The following FLNA variants were observed in gnomAD, a reference collection of about 807,000 sequenced individuals.
The protein encoded by FLNA is filamin A.
FLNA carries 7 observed loss-of-function variants against 157.6 expected under a neutral mutation model. That is an observed-to-expected ratio of 0.04 (90% CI 0.03 to 0.08). FLNA has a LOEUF of 0.08. Among genes scored for constraint, FLNA ranks in the 10% least tolerant of loss-of-function variants. The pLI is 1.00. For synonymous variants in FLNA, 1,103 were observed against 1,060.8 expected (o/e 1.04, Z -0.77); for missense variants, 1,750 against 2,398.4 (o/e 0.73, Z 5.65).
At position 154,367,799 on chromosome X, in the gene FLNA, G is replaced by T. The variant is rs782141239; in HGVS notation, c.622+43C>A. The stretch of plus-strand genomic sequence containing the variant: ...CAGAACCCCCTCAAGGGCCACCCAT[G>T]GGTGACCCCAGCCCAGTCTCTCCTG... On this transcript the variant is annotated intron_variant, in intron 3 of 47. Coordinates refer to ENST00000369850, the MANE Select transcript of FLNA (RefSeq NM_001110556.2). 9.1e-6 allele frequency: 11 copies of T among 1,210,725 alleles called. No homozygotes were observed. The South Asian group carries it at 1.9e-4, about 21-fold the overall frequency.
rs1482206323 is a variant in FLNA, at chrX:154,361,169, G to C, written c.3207+139C>G. 19 of 562,543 alleles carry C rather than the reference G, an allele frequency of 3.4e-5. No individual in the cohort carries two copies. In the East Asian group the frequency reaches 6.8e-4, roughly 20 times the overall value. The allele number at this position is 562,543 out of a possible 1,213,427, so 46.4% of individuals were successfully genotyped here. On this transcript the variant is annotated intron_variant, in intron 21 of 47. Transcript: ENST00000369850. Reference sequence around the variant, plus strand: ...CCTCCCCTTTACTCTCACTTAAACAGGGTCAAGGTTGACAGTCTGTCTCAG... The same window carrying C: ...CCTCCCCTTTACTCTCACTTAAACACGGTCAAGGTTGACAGTCTGTCTCAG...
At position 154,364,834 on chromosome X, in the gene FLNA, G is replaced by A. The variant is rs781821848; in HGVS notation, c.1815C>T (p.Asp605=). The change falls in exon 12 of 48, where the codon GAC becomes GAT. Residue 605 remains aspartate (D), a synonymous_variant. Transcript: ENST00000369850. ...CCTCCAACTTACCCAGCGTGCCCAC[G>A]TCGTCCCCGATAGCCTCCACCACAA... ...ADFVVEAIGD[D]VGTLGFSVEG... The A allele has an allele frequency of 8.3e-6, 10 of 1,209,507 alleles. No homozygotes were observed. Among genetic ancestry groups the A allele is most frequent in the Middle Eastern group, 2.3e-4 (1 of 4,374 alleles).
intron 39 of FLNA, 42 bp downstream of exon 39, chrX:154,352,730 C>G: frequency 8.3e-7 from 1 of 1,211,921 alleles, no homozygotes; most frequent in Non-Finnish European, 1.1e-6. Flanking sequence ...CCTGTGGGCC[C>G]TGGTGTAGTG....
In FLNA at chrX:154,351,690, T is replaced by C; in HGVS notation, c.6914A>G (p.Tyr2305Cys). 8.4e-7 allele frequency: 1 copy of C among 1,185,383 alleles called. No homozygotes were observed. The highest frequency in any genetic ancestry group is 1.1e-6 in the Non-Finnish European group (1 of 871,413). Reference protein sequence around the residue: ...VAYVVQEPGDYEVSVKFNEEH... With the variant: ...VAYVVQEPGDCEVSVKFNEEH... ...CTCGTTGAACTTGACTGAGACTTCGTAGTCACCTGGGCAGGGAAAGAGTGT... is the reference window on the plus strand; with the variant it reads ...CTCGTTGAACTTGACTGAGACTTCGCAGTCACCTGGGCAGGGAAAGAGTGT... Residue 2305 changes from tyrosine (Y) to cysteine (C), a missense_variant, in exon 43 of 48, where the codon TAC (tyrosine) becomes TGC (cysteine). This residue lies in a region of FLNA where 970 missense variants were observed against 1,302.6 expected (regional missense o/e 0.74). Coordinates refer to ENST00000369850, the MANE Select transcript of FLNA (RefSeq NM_001110556.2).
At chrX:154,351,286 G>T in intron 43 of FLNA, 1 of 444,270 alleles carries the variant, frequency 2.3e-6, no homozygotes, top group Non-Finnish European at 3.9e-6. Context: ...CCCACCCTGT[G>T]GGCAGCACCC....
rs1416455378 is a variant in FLNA at position 154,350,290 on chromosome X, T to C, written c.7157-83A>G. ...TGTCTGTGAGGAACAGCCTCAACCC[T>C]GGCCCTCCCCATTTTGCCGGTCCAT... On this transcript the variant is annotated intron_variant, in intron 44 of 47. Transcript: ENST00000369850. 6.5e-6 allele frequency: 6 copies of C among 921,786 alleles called. No individual in the cohort carries two copies. The African/African-American group carries it at 7.7e-5, about 12-fold the overall frequency. 76.0% of individuals were successfully genotyped at this position (921,786 alleles called of 1,213,427 possible). A position where few individuals can be genotyped will look rare whatever the true frequency, so the allele number is the denominator to read the frequency against.
chrX:154,369,301 G>A (rs1204593746), intron 2 of FLNA, among the ~76,000 whole-genome samples: 2 of 112,555 alleles, frequency 1.8e-5, no homozygotes, highest in Non-Finnish European at 3.8e-5. Context: ...TGCAGGGCCA[G>A]GGAACAAGGC....
chrX:154,360,379 A>C lies in FLNA; in HGVS notation c.3416T>G (p.Leu1139Arg), dbSNP rs782633080. The change falls in exon 22 of 48, where the codon CTC becomes CGC. Residue 1139 changes from leucine (L) to arginine (R), a missense_variant. Transcript: ENST00000369850. ...TEPGDYNINI[L>R]FADTHIPGSP... The stretch of plus-strand genomic sequence containing the variant: ...GCCAGGGATGTGGGTGTCAGCGAAG[A>C]GGATGTTGATGTTGTAGTCCCCGGG... 1.7e-6 allele frequency: 2 copies of C among 1,210,176 alleles called. No homozygotes were observed. The highest frequency in any genetic ancestry group is 2.2e-6 in the Non-Finnish European group (2 of 895,250).
intron 5 of FLNA, 145 bp from the exon 6 acceptor site, chrX:154,366,995 C>G: frequency 1.9e-6 from 1 of 523,766 alleles, no homozygotes; most frequent in Non-Finnish European, 3.3e-6. Flanking sequence ...GGCACAGAGC[C>G]TGGCCTCGGG....
In FLNA at chrX:154,364,973, C is replaced by T; in HGVS notation, c.1692-16G>A. On this transcript the variant is annotated splice_polypyrimidine_tract_variant and intron_variant, in intron 11 of 47. Coordinates refer to ENST00000369850, the MANE Select transcript of FLNA (RefSeq NM_001110556.2). ...TTCGAAGGGACTGCAAATGCGAGAG[C>T]CACACAGGGAACACCGAGGATCACC... 2.5e-6 allele frequency: 3 copies of T among 1,211,082 alleles called. No individual in the cohort carries two copies. Among genetic ancestry groups the T allele is most frequent in the Non-Finnish European group, 3.4e-6 (3 of 895,399 alleles).
chrX:154,355,873 T>G (rs2067659001), intron 30 of FLNA, among the ~76,000 whole-genome samples: 1 of 112,815 alleles, frequency 8.9e-6, no homozygotes, highest in Admixed American at 9.2e-5. Flanking sequence ...CTGTGGGCTG[T>G]GAGGCCTGGC....
Position 154,367,631 on chromosome X carries a change from G to A in FLNA, c.720+10C>T, listed in dbSNP as rs782691746. ...TCCCCTACAGCTGTAGCCAGGCCGG[G>A]CGGGTGTACCTGGGGGATGCCCAGC... On this transcript the variant is annotated intron_variant, in intron 4 of 47. Transcript: ENST00000369850. The A allele has an allele frequency of 8.3e-7, 1 of 1,209,861 alleles. No homozygotes were observed. Among genetic ancestry groups the A allele is most frequent in the East Asian group, 3.0e-5 (1 of 33,778 alleles).
Position 154,352,836 on chromosome X carries a change from G to A in FLNA, c.6315C>T (p.Thr2105=). Residue 2105 remains threonine, a synonymous_variant, in exon 39 of 48, where the codon ACC becomes ACT. Transcript: ENST00000369850. The part of the protein sequence containing the change: ...EDLEDGTCRV[T]YCPTEPGNYI... ...AGTTGCCTGGCTCTGTGGGGCAGTA[G>A]GTGACCCTGCACGTCCCGTCCTCCA... The A allele has an allele frequency of 8.3e-7, 1 of 1,211,429 alleles. No individual in the cohort carries two copies. The highest frequency in any genetic ancestry group is 1.1e-6 in the Non-Finnish European group (1 of 895,094).
In FLNA at chrX:154,366,378, G is replaced by C; in HGVS notation, c.1158C>G (p.Ala386=). 1 of 1,212,124 alleles carries C rather than the reference G, an allele frequency of 8.2e-7. No homozygotes were observed. The change falls in exon 8 of 48, where the codon GCC becomes GCG. Residue 386 remains alanine, a synonymous_variant. Coordinates refer to ENST00000369850, the MANE Select transcript of FLNA (RefSeq NM_001110556.2). Reference sequence around the variant, plus strand: ...CACTGGGCTCCAGGCCGGGACCTTGGGCTGTCACTTTGCTGGCGTCACCCT... The same window carrying C: ...CACTGGGCTCCAGGCCGGGACCTTGCGCTGTCACTTTGCTGGCGTCACCCT... ...KSQGDASKVT[A]QGPGLEPSGN... is the part of the protein sequence containing the mutation.
At chrX:154,355,166 T>C in intron 30 of FLNA, 94 bp from the exon 31 acceptor site, 5 of 972,522 alleles carry the variant, frequency 5.1e-6, no homozygotes, top group Non-Finnish European at 7.1e-6. Context: ...AGGCCTCTCA[T>C]TGCCACCACC....
Position 154,352,578 on chromosome X carries a change from A to G in FLNA, c.6477T>C (p.His2159=), listed in dbSNP as rs2067628259. Residue 2159 remains histidine, a synonymous_variant, in exon 40 of 48, where the codon CAT becomes CAC. Transcript: ENST00000369850. ...CAGGGATTTTCAGGCTGAGGTCACA[A>G]TGACTACCAACGTTGGCCACTGAAG... is the stretch of plus-strand genomic sequence containing the variant. ...RAPSVANVGS[H]CDLSLKIPEI... The G allele has an allele frequency of 2.5e-6, 3 of 1,210,204 alleles. No individual in the cohort carries two copies. Among genetic ancestry groups the G allele is most frequent in the East Asian group, 3.0e-5 (1 of 33,780 alleles).
Position 154,359,908 on chromosome X carries a change from G to C in FLNA, c.3806-3C>G. 1 of 1,210,545 alleles carries C rather than the reference G, an allele frequency of 8.3e-7. No homozygotes were observed. The highest frequency in any genetic ancestry group is 1.1e-6 in the Non-Finnish European group (1 of 895,062). ...AGTGGTGGCCTCACGGAAGACACCT[G>C]CAAAGGCACAGAGAGGAGGCTTGGG... On this transcript the variant is annotated splice_region_variant and splice_polypyrimidine_tract_variant and intron_variant, in intron 22 of 47. Coordinates refer to ENST00000369850, the MANE Select transcript of FLNA (RefSeq NM_001110556.2).
chrX:154,366,207 C>T lies in FLNA; in HGVS notation c.1246G>A (p.Val416Ile). Residue 416 changes from valine to isoleucine, a missense_variant, in exon 9 of 48, where the codon GTC becomes ATC. Around this residue, in one of 5 missense-constraint regions of FLNA, gnomAD observed 648 missense variants for 805.8 expected, o/e 0.80. Coordinates refer to ENST00000369850, the MANE Select transcript of FLNA (RefSeq NM_001110556.2). ...ATGGGGTCCTGGATCACAACCTCGA[C>T]CTCGCCCGTGCCAGCTCCTGCCACG... is the stretch of plus-strand genomic sequence containing the variant. ...IFTAGAGTGE[V>I]EVVIQDPMGQ... 1.7e-6 allele frequency: 2 copies of T among 1,211,003 alleles called. No individual in the cohort carries two copies. Among genetic ancestry groups the T allele is most frequent in the South Asian group, 1.8e-5 (1 of 57,005 alleles).
rs1251396280 is a variant in FLNA, at chrX:154,360,294, G to A, written c.3501C>T (p.Gly1167=). ...CFDASKVKCS[G]PGLERATAGE... is the part of the protein sequence containing the mutation. ...CAGCGGTGGCCCGCTCCAGCCCGGG[G>A]CCTGAGCACTTGACTTTGGATGCGT... Residue 1167 remains glycine (G), a synonymous_variant, in exon 22 of 48, where the codon GGC becomes GGT. Coordinates refer to ENST00000369850, the MANE Select transcript of FLNA (RefSeq NM_001110556.2). 8.3e-7 allele frequency: 1 copy of A among 1,211,878 alleles called. No individual in the cohort carries two copies. Among genetic ancestry groups the A allele is most frequent in the Non-Finnish European group, 1.1e-6 (1 of 895,671 alleles).
Sources: gnomAD v4.1 joint callset for allele counts (sites outside exome capture counted in the v4.1 genomes callset) on GRCh38, gnomAD v4.1.1 for gene constraint, gnomAD v4.1.1 regional missense constraint, MANE v1.5 for transcripts, NCBI Gene and HGNC (gene_info 2026-07-23, HGNC 2026-07-21) for gene names.